The following SOX5 variants were observed in gnomAD, a reference collection of about 807,000 sequenced individuals.
SOX5 encodes transcription factor SOX-5.
Under a neutral mutation model 92.0 loss-of-function variants are expected in SOX5, and 9 were observed. The ratio of observed to expected loss-of-function variants is 0.10; its 90% CI spans 0.06 to 0.17. SOX5 has a LOEUF of 0.17. Among genes scored for constraint, SOX5 ranks in the 10% least tolerant of loss-of-function variants. SOX5 has a pLI of 1.00. For synonymous variants in SOX5, 344 were observed against 336.3 expected, an observed-to-expected ratio of 1.02 and a Z score of -0.25; for missense variants, 642 against 944.5, an observed-to-expected ratio of 0.68 and a Z score of 4.20.
intron 4 of SOX5, among the ~76,000 whole-genome samples, chr12:24,181,620 T>C (rs970124146): frequency 1.3e-5 from 2 of 152,192 alleles, no homozygotes; most frequent in Non-Finnish European, 2.9e-5. Flanking sequence ...AATTGAATGA[T>C]TTAATACACA....
intron 4 of SOX5, among the ~76,000 whole-genome samples, chr12:24,043,401 G>A (rs1057297992): frequency 2.6e-5 from 4 of 152,122 alleles, no homozygotes; most frequent in African/African-American, 9.7e-5. Context: ...TTTGTATTTT[G>A]CAAAGGTGTG....
intron 7 of SOX5, among the ~76,000 whole-genome samples, chr12:23,662,203 A>C (rs1322684613): frequency 6.6e-6 from 1 of 152,146 alleles, no homozygotes; most frequent in Non-Finnish European, 1.5e-5. Flanking sequence ...TGATTCAAGA[A>C]CACACATCAT....
intron 1 of SOX5, among the ~76,000 whole-genome samples, chr12:24,381,666 C>A (rs1957839955): frequency 6.6e-6 from 1 of 152,146 alleles, no homozygotes; most frequent in Non-Finnish European, 1.5e-5. Context: ...TCTTGCCTTA[C>A]TCGTGAAATT....
chr12:24,500,683 T>C (rs990320402), intron 1 of SOX5, among the ~76,000 whole-genome samples: 5 of 152,220 alleles, frequency 3.3e-5, no homozygotes, highest in Non-Finnish European at 5.9e-5. Context: ...AAACGCTCCA[T>C]TTCTCTGCCT....
At chr12:23,979,909 C>A (rs1217451107) in intron 4 of SOX5, among the ~76,000 whole-genome samples, 9 of 48,052 alleles carry the variant, frequency 1.9e-4, no homozygotes, top group Admixed American at 3.5e-4. Context: ...GGCTGGCTGG[C>A]TGGCCAGACA....
intron 1 of SOX5, among the ~76,000 whole-genome samples, chr12:24,482,059 T>C (rs920312312): frequency 6.6e-6 from 1 of 152,214 alleles, no homozygotes; most frequent in African/African-American, 2.4e-5. Context: ...AGAATTATCT[T>C]TAATTTCAGC....
At chr12:23,814,548 A>AT (rs1161020837) in intron 3 of SOX5, among the ~76,000 whole-genome samples, 1 of 152,086 alleles carries the variant, frequency 6.6e-6, no homozygotes, top group African/African-American at 2.4e-5. Flanking sequence ...CTACAAAACA[A>AT]TTTTTCTGAA....
At chr12:23,891,720 A>G (rs1363993760) in intron 2 of SOX5, among the ~76,000 whole-genome samples, 1 of 152,184 alleles carries the variant, frequency 6.6e-6, no homozygotes, top group Non-Finnish European at 1.5e-5. Flanking sequence ...AAATAAAAGA[A>G]CCTATTTTGT....
chr12:24,229,199 C>T (rs1962820305), intron 3 of SOX5, among the ~76,000 whole-genome samples: 1 of 152,186 alleles, frequency 6.6e-6, no homozygotes, highest in South Asian at 2.1e-4. Flanking sequence ...GGCAGCAACT[C>T]CACCTAACAA....
chr12:24,066,179 A>G (rs180695194), intron 4 of SOX5, among the ~76,000 whole-genome samples: 90 of 152,338 alleles, frequency 5.9e-4, no homozygotes, highest in Middle Eastern at 3.4e-3. Context: ...AAAAGATACA[A>G]TCTCTTCTCT....
intron 1 of SOX5, among the ~76,000 whole-genome samples, chr12:23,928,611 G>C (rs1940631522): frequency 6.6e-6 from 1 of 151,514 alleles, no homozygotes. Flanking sequence ...AACAATAAAA[G>C]CACTTTTCCT....
At chr12:23,578,687 T>G (rs1286535615) in intron 9 of SOX5, among the ~76,000 whole-genome samples, 2 of 152,178 alleles carry the variant, frequency 1.3e-5, no homozygotes, top group East Asian at 3.9e-4. Flanking sequence ...CCAGATCTAC[T>G]CTTGGTCAAT....
At chr12:24,238,472 C>T (rs914266879) in intron 3 of SOX5, among the ~76,000 whole-genome samples, 1 of 152,206 alleles carries the variant, frequency 6.6e-6, no homozygotes, top group Non-Finnish European at 1.5e-5. Flanking sequence ...CCACCTCAAC[C>T]TCCAGAGTAG....
At chr12:24,397,042 C>T (rs2136570005) in intron 1 of SOX5, among the ~76,000 whole-genome samples, 1 of 152,288 alleles carries the variant, frequency 6.6e-6, no homozygotes, top group East Asian at 1.9e-4. Flanking sequence ...TAGTACTTTG[C>T]CACCTTCCTG....
At position 24,452,716 on chromosome 12, in the gene SOX5, AAAG is replaced by A. The variant is rs1942488738; in HGVS notation, c.-250-84080_-250-84078del. 3.9e-5 allele frequency among the ~76,000 whole-genome samples: 6 copies of A among 152,318 alleles called. No individual in the cohort carries two copies. In the South Asian group the frequency reaches 1.0e-3, roughly 26 times the overall value. ...GCTTAGGGGGAGAGAAGAGAAAGGA[AAAG>A]AAGAATCCAAGGATAAAGGAATTTA... is the stretch of plus-strand genomic sequence containing the variant. On this transcript the variant is annotated intron_variant, in intron 1 of 4. Coordinates refer to the SOX5 transcript ENST00000446891.
At chr12:23,737,413 AC>A (rs2093642741) in intron 5 of SOX5, among the ~76,000 whole-genome samples, 1 of 152,002 alleles carries the variant, frequency 6.6e-6, no homozygotes, top group Admixed American at 6.6e-5. Flanking sequence ...GGTGGTGGGC[AC>A]CTGTAATCCC....
At chr12:23,949,728 C>T (rs566751147), upstream of SOX5, 14 of 1,208,802 alleles carry the variant, frequency 1.2e-5, no homozygotes, top group East Asian at 3.8e-4. Flanking sequence ...CCCTCCCTCC[C>T]TCCCTCTCTC....
At chr12:23,893,729 G>A (rs1384001833) in intron 2 of SOX5, among the ~76,000 whole-genome samples, 2 of 152,162 alleles carry the variant, frequency 1.3e-5, no homozygotes, top group Non-Finnish European at 2.9e-5. Context: ...AGTGGAAAAG[G>A]CATAAGGAGT....
At chr12:23,738,900 C>T (rs566589632) in intron 5 of SOX5, among the ~76,000 whole-genome samples, 35 of 152,026 alleles carry the variant, frequency 2.3e-4, no homozygotes, top group Non-Finnish European at 3.8e-4. Context: ...AAGCAAGAGG[C>T]ATATGGGCCA....
Sources: gnomAD v4.1 joint callset for allele counts (sites outside exome capture counted in the v4.1 genomes callset) on GRCh38, gnomAD v4.1.1 for gene constraint, MANE v1.5 for transcripts, NCBI Gene and HGNC (gene_info 2026-07-23, HGNC 2026-07-21) for gene names.